CERKL: variants seen among roughly 807,000 people sequenced by gnomAD.
CERKL encodes the protein CERK like autophagy regulator, also known as ceramide kinase-like protein.
Under a neutral mutation model 63.4 loss-of-function variants are expected in CERKL, and 61 were observed. The observed-to-expected ratio is 0.96, with a 90% CI of 0.78 to 1.19. The LOEUF is 1.19. CERKL is among the 50% of genes most tolerant of loss of function. The pLI is 0.00. For synonymous variants in CERKL, 250 were observed against 230.5 expected (o/e 1.08, Z -0.77); for missense variants, 675 against 655.5 (o/e 1.03, Z -0.33).
intron 2 of CERKL, among the ~76,000 whole-genome samples, chr2:181,577,223 G>A (rs1261849867): frequency 1.3e-5 from 2 of 152,138 alleles, no homozygotes; most frequent in East Asian, 1.9e-4. Flanking sequence ...ATTTTAATAG[G>A]AGTAATGTCA....
intron 2 of CERKL, among the ~76,000 whole-genome samples, chr2:181,577,965 T>C (rs1248068307): frequency 6.6e-6 from 1 of 152,156 alleles, no homozygotes; most frequent in African/African-American, 2.4e-5. Flanking sequence ...CTGTCTGACA[T>C]GGCTATACTT....
intron 1 of CERKL, among the ~76,000 whole-genome samples, chr2:181,646,662 A>T (rs916780034): frequency 6.6e-6 from 1 of 152,242 alleles, no homozygotes; most frequent in African/African-American, 2.4e-5. Flanking sequence ...GATAGAATGA[A>T]GTTCCCATGA....
intron 2 of CERKL, among the ~76,000 whole-genome samples, chr2:181,593,558 A>G (rs1436372991): frequency 3.3e-5 from 5 of 151,886 alleles, no homozygotes; most frequent in African/African-American, 1.2e-4. Flanking sequence ...CTAAAACACC[A>G]CTGGTAAAAG....
In CERKL at chr2:181,537,224, C is replaced by T. The variant is rs985626525; in HGVS notation, c.*960G>A. On this transcript the variant is annotated 3_prime_UTR_variant, in exon 13 of 13. Transcript: ENST00000410087. The stretch of plus-strand genomic sequence containing the variant: ...AGCCCCGATTTAGAACTGTCTTCTC[C>T]AGGATGGTCTCTAAGGAAATTTACA... 1 of 452,816 alleles carries T rather than the reference C, an allele frequency of 2.2e-6. No individual in the cohort carries two copies. The allele number at this position is 452,816 out of a possible 1,614,324, so 28.0% of individuals were successfully genotyped here.
intron 1 of CERKL, among the ~76,000 whole-genome samples, chr2:181,628,804 T>G (rs1462739055): frequency 2.0e-5 from 3 of 152,218 alleles, no homozygotes; most frequent in African/African-American, 7.2e-5. Flanking sequence ...AGCAAGTTAA[T>G]GTCCTTTGTT....
chr2:181,590,273 G>A (rs533125552), intron 2 of CERKL, among the ~76,000 whole-genome samples: 14 of 152,050 alleles, frequency 9.2e-5, no homozygotes, highest in African/African-American at 1.4e-4. Context: ...GAGTAGCTGG[G>A]ATCACAAGCA....
chr2:181,634,291 G>A (rs1376661369), intron 1 of CERKL, among the ~76,000 whole-genome samples: 2 of 152,048 alleles, frequency 1.3e-5, no homozygotes, highest in African/African-American at 2.4e-5. Context: ...TGTTTCTTGG[G>A]GTCATTTGTA....
In CERKL at chr2:181,544,876, A is replaced by G. The variant is rs1026002808; in HGVS notation, c.1269-80T>C. Reference sequence around the variant, plus strand: ...AAAATTATGACATACTGTTCCTTATAACAAGTATACTGTTTACTGAAAGTA... The same window carrying G: ...AAAATTATGACATACTGTTCCTTATGACAAGTATACTGTTTACTGAAAGTA... On this transcript the variant is annotated intron_variant, in intron 10 of 12. Coordinates refer to ENST00000410087, the MANE Select transcript of CERKL (RefSeq NM_201548.5). The G allele has an allele frequency of 5.1e-6, 4 of 789,562 alleles. No homozygotes were observed. The Admixed American group carries it at 8.7e-5, about 17-fold the overall frequency. The allele number at this position is 789,562 out of a possible 1,614,324, so 48.9% of individuals were successfully genotyped here. A position where few individuals can be genotyped will look rare whatever the true frequency, so the allele number is the denominator to read the frequency against.
At chr2:181,630,568 A>G (rs1465497414) in intron 1 of CERKL, among the ~76,000 whole-genome samples, 1 of 152,174 alleles carries the variant, frequency 6.6e-6, no homozygotes, top group Non-Finnish European at 1.5e-5. Flanking sequence ...GACACCAGAG[A>G]TCTCTATCCA....
intron 3 of CERKL, among the ~76,000 whole-genome samples, chr2:181,568,610 C>A (rs1386168687): frequency 2.6e-5 from 4 of 151,506 alleles, no homozygotes; most frequent in Non-Finnish European, 5.9e-5. Flanking sequence ...AACGCTTCAA[C>A]ATCTAAAAAT....
chr2:181,536,795 C>T lies in CERKL; in HGVS notation c.*1389G>A. 3 of 261,206 alleles carry T rather than the reference C, an allele frequency of 1.1e-5. No homozygotes were observed. The highest frequency in any genetic ancestry group is 2.3e-5 in the Non-Finnish European group (3 of 130,292). 16.2% of individuals were successfully genotyped at this position (261,206 alleles called of 1,614,324 possible). On this transcript the variant is annotated 3_prime_UTR_variant, in exon 13 of 13. Transcript: ENST00000410087. ...TCATTTTTGTAATATTTATTTTATG[C>T]TTATGATCTAGATAATTGCAGAATA...
intron 11 of CERKL, among the ~76,000 whole-genome samples, chr2:181,542,565 G>A (rs1687553976): frequency 6.6e-6 from 1 of 151,598 alleles, no homozygotes; most frequent in South Asian, 2.1e-4. Flanking sequence ...TTGCTTGAAA[G>A]CAGTCACCCT....
At chr2:181,608,203 T>C (rs952041037) in intron 1 of CERKL, among the ~76,000 whole-genome samples, 1 of 151,932 alleles carries the variant, frequency 6.6e-6, no homozygotes, top group Non-Finnish European at 1.5e-5. Context: ...CCTCTACACA[T>C]GCTTTGCCTT....
chr2:181,593,867 T>TAAA lies in CERKL; in HGVS notation c.481+9967_481+9969dup, dbSNP rs780308862. On this transcript the variant is annotated intron_variant, in intron 2 of 12. Coordinates refer to ENST00000410087, the MANE Select transcript of CERKL (RefSeq NM_201548.5). ...ACCCTGCCTTTCCAGAAAACACTAC[T>TAAA]AAAAAAAAAAAAAAAAAGAATGTAT... Among the ~76,000 whole-genome samples, 471 of 118,140 alleles carry TAAA rather than the reference T, an allele frequency of 4.0e-3. 4 individuals carry two copies. The highest frequency in any genetic ancestry group is 0.013 in the African/African-American group (452 of 36,102). The allele number at this position is 118,140 out of a possible 152,430, so 77.5% of individuals were successfully genotyped here.
Position 181,608,501 on chromosome 2 carries a change from A to T in CERKL, c.239-4422T>A, listed in dbSNP as rs111559229. Among the ~76,000 whole-genome samples the T allele has an allele frequency of 6.0e-3, 915 of 152,228 alleles. 8 individuals carry two copies. Among genetic ancestry groups the T allele is most frequent in the African/African-American group, 0.02 (840 of 41,540 alleles). On this transcript the variant is annotated intron_variant, in intron 1 of 12. Transcript: ENST00000410087. ...GAAAGTGATGAAATAAACTCTTTTA[A>T]CTTTTCATTGAAGTCCTGTACTTCA...
intron 2 of CERKL, among the ~76,000 whole-genome samples, chr2:181,600,026 G>A (rs1685391986): frequency 6.6e-6 from 1 of 152,158 alleles, no homozygotes; most frequent in Non-Finnish European, 1.5e-5. Flanking sequence ...TTACAAGCAA[G>A]AAGAGATCAG....
intron 4 of CERKL, among the ~76,000 whole-genome samples, chr2:181,561,896 C>G (rs1559078721): frequency 6.6e-6 from 1 of 152,072 alleles, no homozygotes; most frequent in Non-Finnish European, 1.5e-5. Context: ...TCACTGCAAC[C>G]TCTCCCTCCT....
At chr2:181,605,470 A>G (rs924894468) in intron 1 of CERKL, among the ~76,000 whole-genome samples, 1 of 152,206 alleles carries the variant, frequency 6.6e-6, no homozygotes, top group Non-Finnish European at 1.5e-5. Context: ...GCTGAAGTGG[A>G]AAAACATGGA....
chr2:181,559,928 CAGGTCATGTTTGATT>C (rs962904907), intron 4 of CERKL, among the ~76,000 whole-genome samples: 4 of 152,152 alleles, frequency 2.6e-5, no homozygotes, highest in African/African-American at 9.7e-5. Flanking sequence ...AGATATGACC[CAGGTCATGTTTGATT>C]AGGTGTGTTT....
Sources: gnomAD v4.1 joint callset for allele counts (sites outside exome capture counted in the v4.1 genomes callset) on GRCh38, gnomAD v4.1.1 for gene constraint, MANE v1.5 for transcripts, NCBI Gene and HGNC (gene_info 2026-07-23, HGNC 2026-07-21) for gene names.